Variants in MAPKAP1 observed in about 807,000 individuals in gnomAD.
MAPKAP1 encodes MAPK associated protein 1, also known as target of rapamycin complex 2 subunit MAPKAP1.
MAPKAP1 carries 20 observed loss-of-function variants against 65.7 expected under a neutral mutation model. The ratio of observed to expected loss-of-function variants is 0.30; its 90% CI spans 0.21 to 0.44. MAPKAP1 has a LOEUF of 0.44. Ranked by LOEUF, MAPKAP1 falls within the 20% of genes least tolerant of loss-of-function variation. The probability of loss-of-function intolerance (pLI) is 1.00; values close to 1 mark genes in which losing one functional copy is unlikely to be tolerated. For synonymous variants in MAPKAP1, 222 were observed against 244.3 expected, an observed-to-expected ratio of 0.91 and a Z score of 0.85; for missense variants, 423 against 648.0, an observed-to-expected ratio of 0.65 and a Z score of 3.77.
chr9:125,693,566 TACATACACACACATATATACACGTATAC>T (rs1835250069), intron 1 of MAPKAP1, among the ~76,000 whole-genome samples: 1 of 148,470 alleles, frequency 6.7e-6, no homozygotes, highest in Admixed American at 6.7e-5. Flanking sequence ...CACACATATA[TACATACACACACATATATACACGTATAC>T]ACACACACAT....
At chr9:125,523,202 A>C (rs2133119710) in intron 7 of MAPKAP1, among the ~76,000 whole-genome samples, 1 of 152,232 alleles carries the variant, frequency 6.6e-6, no homozygotes, top group African/African-American at 2.4e-5. Flanking sequence ...CCTGCCCAGA[A>C]CCCTGCCCTC....
chr9:125,522,879 C>T (rs758886939), intron 7 of MAPKAP1, among the ~76,000 whole-genome samples: 7 of 152,174 alleles, frequency 4.6e-5, no homozygotes, highest in African/African-American at 7.2e-5. Context: ...TGGTTTCCTA[C>T]CTCCATGTCA....
intron 7 of MAPKAP1, among the ~76,000 whole-genome samples, chr9:125,507,952 T>C (rs1414700100): frequency 4.6e-5 from 7 of 152,284 alleles, no homozygotes; most frequent in African/African-American, 1.7e-4. Context: ...GGGGGACCAA[T>C]TGAACCCAGG....
intron 4 of MAPKAP1, among the ~76,000 whole-genome samples, chr9:125,653,123 T>C (rs189813001): frequency 6.6e-6 from 1 of 152,338 alleles, no homozygotes; most frequent in East Asian, 1.9e-4. Context: ...CTGAGGAAGA[T>C]ACACTGTCAT....
At chr9:125,625,841 C>A (rs1833103060) in intron 4 of MAPKAP1, among the ~76,000 whole-genome samples, 1 of 152,072 alleles carries the variant, frequency 6.6e-6, no homozygotes, top group South Asian at 2.1e-4. Context: ...TGAGGTCAGA[C>A]TGAATTCACA....
rs1564622411 is a variant in MAPKAP1 at position 125,698,299 on chromosome 9, ATATATATATATAT to A, written c.-70+8659_-70+8671del. Among the ~76,000 whole-genome samples, 5 of 13,368 alleles carry A rather than the reference ATATATATATATAT, an allele frequency of 3.7e-4. 2 individuals are homozygous for A. In the East Asian group the frequency reaches 4.1e-3, roughly 11 times the overall value. 8.8% of individuals were successfully genotyped at this position (13,368 alleles called of 152,430 possible). On this transcript the variant is annotated intron_variant, in intron 1 of 11. Coordinates refer to ENST00000265960, the MANE Select transcript of MAPKAP1 (RefSeq NM_001006617.3). ...ACATAATATATATAAATATATATAT[ATATATATATATAT>A]ATATATATATATATATATATATATA...
intron 6 of MAPKAP1, among the ~76,000 whole-genome samples, chr9:125,558,673 A>T (rs918306979): frequency 1.3e-5 from 2 of 152,156 alleles, no homozygotes; most frequent in Non-Finnish European, 2.9e-5. Context: ...CAGCCATGAG[A>T]AGGACTGCTG....
chr9:125,484,860 G>A (rs906287013), intron 8 of MAPKAP1, among the ~76,000 whole-genome samples: 4 of 152,176 alleles, frequency 2.6e-5, no homozygotes, highest in African/African-American at 9.7e-5. Flanking sequence ...AGGAAGCTCA[G>A]TCCACAGGAG....
intron 4 of MAPKAP1, among the ~76,000 whole-genome samples, chr9:125,640,985 A>C (rs1833561501): frequency 6.6e-6 from 1 of 152,370 alleles, no homozygotes; most frequent in East Asian, 1.9e-4. Flanking sequence ...ATCTGGATTC[A>C]AAGCTGGCCC....
intron 6 of MAPKAP1, among the ~76,000 whole-genome samples, chr9:125,545,311 T>C (rs1830392119): frequency 6.6e-6 from 1 of 152,236 alleles, no homozygotes; most frequent in Non-Finnish European, 1.5e-5. Flanking sequence ...TAAAGTGCCT[T>C]GTGCATTTAT....
intron 4 of MAPKAP1, among the ~76,000 whole-genome samples, chr9:125,628,453 AGAAAATGTCTCTTCAGCAAATGGCATTGG>A (rs1833177942): frequency 6.6e-6 from 1 of 152,232 alleles, no homozygotes; most frequent in Non-Finnish European, 1.5e-5. Context: ...ACTTAAGACA[AGAAAATGTCTCTTCAGCAAATGGCATTGG>A]GAAAATGAAT....
intron 1 of MAPKAP1, among the ~76,000 whole-genome samples, chr9:125,705,608 C>T (rs1835733638): frequency 6.6e-6 from 1 of 152,112 alleles, no homozygotes; most frequent in African/African-American, 2.4e-5. Context: ...TAGCATGGTA[C>T]CTGGCATATA....
At chr9:125,580,449 C>T (rs528495922) in intron 5 of MAPKAP1, among the ~76,000 whole-genome samples, 3 of 129,532 alleles carry the variant, frequency 2.3e-5, no homozygotes, top group East Asian at 2.1e-4. Flanking sequence ...GAAATCCAAA[C>T]ACCGCAAGTT....
At chr9:125,493,622 T>C (rs976062137) in intron 8 of MAPKAP1, among the ~76,000 whole-genome samples, 1 of 152,224 alleles carries the variant, frequency 6.6e-6, no homozygotes, top group Non-Finnish European at 1.5e-5. Flanking sequence ...GCACCTAACA[T>C]ACCTTTCCTC....
chr9:125,562,217 T>C (rs1437424630), intron 5 of MAPKAP1, among the ~76,000 whole-genome samples: 1 of 152,202 alleles, frequency 6.6e-6, no homozygotes, highest in East Asian at 1.9e-4. Context: ...CCAAATCCTC[T>C]CAAAACAAAT....
At chr9:125,440,728 G>A (rs1315484904) in intron 11 of MAPKAP1, among the ~76,000 whole-genome samples, 1 of 152,240 alleles carries the variant, frequency 6.6e-6, no homozygotes, top group African/African-American at 2.4e-5. Context: ...CGCTCTGCCC[G>A]CTGCCTCGCC....
intron 1 of MAPKAP1, among the ~76,000 whole-genome samples, chr9:125,698,213 G>C (rs887455085): frequency 1.6e-4 from 23 of 142,646 alleles, no homozygotes; most frequent in Admixed American, 3.6e-4. Context: ...ATATATATGT[G>C]TGTGTATATA....
intron 3 of MAPKAP1, among the ~76,000 whole-genome samples, chr9:125,660,138 C>T (rs922405515): frequency 1.2e-4 from 18 of 152,174 alleles, no homozygotes; most frequent in African/African-American, 4.3e-4. Flanking sequence ...TCCCAAGGCA[C>T]AGCACTTGGA....
intron 10 of MAPKAP1, among the ~76,000 whole-genome samples, chr9:125,458,878 CGCTGGCCGGGCGGGGCG>C (rs1411134416): frequency 6.4e-4 from 1 of 1,574 alleles, no homozygotes; most frequent in Non-Finnish European, 1.1e-3. Flanking sequence ...CGGACGGGGC[CGCTGGCCGGGCGGGGCG>C]GCTGGCCGGG....
Sources: gnomAD v4.1 joint callset for allele counts (sites outside exome capture counted in the v4.1 genomes callset) on GRCh38, gnomAD v4.1.1 for gene constraint, MANE v1.5 for transcripts, NCBI Gene and HGNC (gene_info 2026-07-23, HGNC 2026-07-21) for gene names.